AGBL4: variants seen among roughly 807,000 people sequenced by gnomAD.
AGBL4 encodes the protein AGBL carboxypeptidase 4.
In AGBL4, 58 loss-of-function variants were observed where a neutral mutation model predicts 66.4. The observed-to-expected ratio is 0.87, with a 90% CI of 0.71 to 1.09. The LOEUF (loss-of-function observed/expected upper bound fraction) is 1.09. Among genes scored for constraint, AGBL4 ranks in the 50% least tolerant of loss-of-function variants. The pLI is 0.00. For synonymous variants in AGBL4, 234 were observed against 222.9 expected, an observed-to-expected ratio of 1.05 and a Z score of -0.44; for missense variants, 579 against 631.0, an observed-to-expected ratio of 0.92 and a Z score of 0.88.
chr1:48,837,712 T>A (rs1410498546), intron 6 of AGBL4, among the ~76,000 whole-genome samples: 9 of 17,028 alleles, frequency 5.3e-4, no homozygotes, highest in Admixed American at 1.1e-3. Flanking sequence ...ACACACACAC[T>A]ATATATATAT....
intron 8 of AGBL4, among the ~76,000 whole-genome samples, chr1:48,642,005 G>T (rs893226085): frequency 6.6e-6 from 1 of 152,088 alleles, no homozygotes; most frequent in African/African-American, 2.4e-5. Flanking sequence ...ACCACCCAGG[G>T]TAATAAGTTG....
At chr1:48,574,991 G>T (rs978801402) in intron 11 of AGBL4, among the ~76,000 whole-genome samples, 1 of 152,132 alleles carries the variant, frequency 6.6e-6, no homozygotes, top group African/African-American at 2.4e-5. Flanking sequence ...AGATGACCAT[G>T]TCCTACACGT....
At chr1:48,870,358 C>T (rs1424935846) in intron 5 of AGBL4, among the ~76,000 whole-genome samples, 1 of 152,072 alleles carries the variant, frequency 6.6e-6, no homozygotes, top group Non-Finnish European at 1.5e-5. Context: ...GCCTTTCTCA[C>T]TGATCCTACT....
chr1:49,386,217 T>A (rs1040254577), intron 3 of AGBL4, among the ~76,000 whole-genome samples: 17 of 151,990 alleles, frequency 1.1e-4, no homozygotes, highest in Admixed American at 1.0e-3. Flanking sequence ...TCATTAACCA[T>A]ATCAGTTTAA....
At chr1:49,361,752 T>TACACACAC (rs911770522) in intron 3 of AGBL4, among the ~76,000 whole-genome samples, 1 of 151,308 alleles carries the variant, frequency 6.6e-6, no homozygotes, top group Non-Finnish European at 1.5e-5. Context: ...ACTGTCTCCC[T>TACACACAC]ACACACACAC....
At chr1:49,401,043 C>G (rs1645074395) in intron 3 of AGBL4, among the ~76,000 whole-genome samples, 1 of 152,044 alleles carries the variant, frequency 6.6e-6, no homozygotes, top group African/African-American at 2.4e-5. Context: ...TTATCAAATA[C>G]TTTTTCAGCA....
chr1:48,981,765 A>G (rs963602730), intron 5 of AGBL4, among the ~76,000 whole-genome samples: 1 of 152,110 alleles, frequency 6.6e-6, no homozygotes, highest in African/African-American at 2.4e-5. Flanking sequence ...CGTGCTTGGA[A>G]TCTACTACTG....
chr1:49,735,296 G>GTGTGTGTGTGT (rs1649779120), intron 2 of AGBL4, among the ~76,000 whole-genome samples: 2 of 127,312 alleles, frequency 1.6e-5, no homozygotes, highest in African/African-American at 6.5e-5. Context: ...GAGGTGTGTG[G>GTGTGTGTGTGT]GTGTGTGTGT....
At chr1:49,397,349 T>C (rs1269455761) in intron 3 of AGBL4, among the ~76,000 whole-genome samples, 1 of 152,088 alleles carries the variant, frequency 6.6e-6, no homozygotes, top group Non-Finnish European at 1.5e-5. Context: ...AAAATAAGCA[T>C]GCATGCATCT....
intron 3 of AGBL4, among the ~76,000 whole-genome samples, chr1:49,404,569 C>T (rs1645156197): frequency 6.6e-6 from 1 of 152,164 alleles, no homozygotes; most frequent in Non-Finnish European, 1.5e-5. Context: ...TATGTAGGCA[C>T]CATTACACTA....
intron 4 of AGBL4, among the ~76,000 whole-genome samples, chr1:49,181,753 T>C (rs1332147195): frequency 1.3e-5 from 2 of 152,148 alleles, no homozygotes; most frequent in African/African-American, 4.8e-5. Flanking sequence ...TTTTTCTCTA[T>C]ATCCCCACAT....
chr1:49,421,921 T>C (rs1006885993), intron 3 of AGBL4, among the ~76,000 whole-genome samples: 1 of 152,208 alleles, frequency 6.6e-6, no homozygotes, highest in Non-Finnish European at 1.5e-5. Context: ...TCGATATAGA[T>C]TCCACATTTA....
intron 2 of AGBL4, among the ~76,000 whole-genome samples, chr1:49,830,581 T>A (rs1267031845): frequency 1.3e-5 from 2 of 152,226 alleles, no homozygotes; most frequent in Non-Finnish European, 2.9e-5. Flanking sequence ...GATGATAGTT[T>A]CCTTTGCTGT....
At chr1:49,594,609 A>G (rs996845958) in intron 3 of AGBL4, among the ~76,000 whole-genome samples, 1 of 152,160 alleles carries the variant, frequency 6.6e-6, no homozygotes, top group Non-Finnish European at 1.5e-5. Flanking sequence ...AAGTGAGAAC[A>G]TGTGGTGTTT....
chr1:48,762,581 C>T (rs1054851893), intron 6 of AGBL4, among the ~76,000 whole-genome samples: 3 of 149,136 alleles, frequency 2.0e-5, no homozygotes, highest in Non-Finnish European at 4.4e-5. Flanking sequence ...AGCATATGGC[C>T]AGGTAGTTAG....
chr1:48,887,805 C>T (rs1650518985), intron 5 of AGBL4, among the ~76,000 whole-genome samples: 1 of 152,162 alleles, frequency 6.6e-6, no homozygotes. Context: ...CATTTTGGCC[C>T]TATTTTTGTT....
chr1:49,442,388 G>A (rs1646054448), intron 3 of AGBL4, among the ~76,000 whole-genome samples: 1 of 152,190 alleles, frequency 6.6e-6, no homozygotes, highest in Non-Finnish European at 1.5e-5. Flanking sequence ...GTATTTACAA[G>A]TAGGGGATTC....
chr1:49,047,250 A>G (rs1400646149), intron 4 of AGBL4, among the ~76,000 whole-genome samples: 2 of 152,260 alleles, frequency 1.3e-5, no homozygotes, highest in East Asian at 3.9e-4. Context: ...AGAAAAAGTG[A>G]CTAAAATGAT....
chr1:49,338,333 T>C (rs1285116127), intron 3 of AGBL4, among the ~76,000 whole-genome samples: 3 of 152,208 alleles, frequency 2.0e-5, no homozygotes, highest in Non-Finnish European at 4.4e-5. Context: ...AATTTACTTA[T>C]TAAGATAGAG....
Sources: allele counts gnomAD v4.1 joint callset (sites outside exome capture counted in the v4.1 genomes callset), GRCh38; gene constraint gnomAD v4.1.1; transcripts MANE v1.5; gene names NCBI Gene and HGNC (gene_info 2026-07-23, HGNC 2026-07-21).